Variants in KPNA1 observed in about 807,000 individuals in gnomAD.
The protein encoded by KPNA1 is karyopherin subunit alpha 1.
In KPNA1, 10 loss-of-function variants were observed where a neutral mutation model predicts 70.5. The observed-to-expected ratio is 0.14, with a 90% CI of 0.09 to 0.24. KPNA1 has a LOEUF of 0.24. KPNA1 is among the 10% of genes least tolerant of loss of function. The probability of loss-of-function intolerance (pLI) is 1.00; values close to 1 mark genes in which losing one functional copy is unlikely to be tolerated. For missense variants in KPNA1, 397 were observed against 637.9 expected (o/e 0.62, Z 4.07); for synonymous variants, 192 against 221.9 (o/e 0.87, Z 1.20).
At position 122,424,102 on chromosome 3, in the gene KPNA1, CTTT is replaced by C. The variant is rs2075790622; in HGVS notation, c.*2880_*2882del. 1 of 152,070 alleles carries C rather than the reference CTTT, an allele frequency of 6.6e-6. No individual in the cohort carries two copies. The highest frequency in any genetic ancestry group is 2.4e-5 in the African/African-American group (1 of 41,396). The allele number at this position is 152,070 out of a possible 1,614,324, so 9.4% of individuals were successfully genotyped here. ...CTTTACATCCAAAATTCTCTTAATG[CTTT>C]TTTTCCCCCACCAAAGTTCTCATTA... On this transcript the variant is annotated 3_prime_UTR_variant, in exon 14 of 14. Transcript: ENST00000344337.
At chr3:122,465,607 A>G (rs572735699) in intron 3 of KPNA1, among the ~76,000 whole-genome samples, 12 of 152,370 alleles carry the variant, frequency 7.9e-5, no homozygotes, top group African/African-American at 1.9e-4. Context: ...TGCACAAAGG[A>G]AAGTTGTAAT....
intron 5 of KPNA1, among the ~76,000 whole-genome samples, chr3:122,458,414 T>C (rs2076287551): frequency 6.6e-6 from 1 of 152,172 alleles, no homozygotes; most frequent in Non-Finnish European, 1.5e-5. Context: ...GTAGCAATGC[T>C]CAAAGCAGGC....
chr3:122,482,442 T>C (rs1285211086), intron 2 of KPNA1, among the ~76,000 whole-genome samples: 1 of 152,176 alleles, frequency 6.6e-6, no homozygotes, highest in African/African-American at 2.4e-5. Flanking sequence ...AGGTCAGAAA[T>C]AAAACAGATA....
At chr3:122,479,790 A>G (rs2076549873) in intron 2 of KPNA1, among the ~76,000 whole-genome samples, 1 of 152,106 alleles carries the variant, frequency 6.6e-6, no homozygotes, top group Non-Finnish European at 1.5e-5. Context: ...ACTCTTCCAT[A>G]GGATCAGCAA....
chr3:122,470,705 C>T (rs1326966189), intron 2 of KPNA1, among the ~76,000 whole-genome samples: 1 of 151,750 alleles, frequency 6.6e-6, no homozygotes, highest in Non-Finnish European at 1.5e-5. Context: ...CATTTACAAT[C>T]TAGGACATTC....
intron 2 of KPNA1, among the ~76,000 whole-genome samples, chr3:122,490,146 A>ATTTCCTC (rs2076681370): frequency 1.3e-5 from 2 of 152,240 alleles, no homozygotes; most frequent in Non-Finnish European, 2.9e-5. Flanking sequence ...TATCTGAGGA[A>ATTTCCTC]AGCCTTTGAA....
At chr3:122,471,098 T>C (rs889111076) in intron 2 of KPNA1, among the ~76,000 whole-genome samples, 4 of 152,134 alleles carry the variant, frequency 2.6e-5, no homozygotes, top group Non-Finnish European at 5.9e-5. Flanking sequence ...AGATGCAAAA[T>C]TGGAATTCAG....
At chr3:122,455,601 G>C (rs943496938) in intron 5 of KPNA1, among the ~76,000 whole-genome samples, 1 of 151,908 alleles carries the variant, frequency 6.6e-6, no homozygotes, top group African/African-American at 2.4e-5. Flanking sequence ...TGTTGCCCAG[G>C]CTGGAGTGCA....
intron 2 of KPNA1, among the ~76,000 whole-genome samples, chr3:122,472,216 G>A (rs764209258): frequency 3.3e-5 from 5 of 151,910 alleles, no homozygotes; most frequent in East Asian, 1.9e-4. Context: ...ACATTCAAAA[G>A]AACAAGTTAT....
intron 12 of KPNA1, among the ~76,000 whole-genome samples, chr3:122,430,309 A>G (rs532021323): frequency 1.3e-5 from 2 of 152,212 alleles, no homozygotes; most frequent in African/African-American, 2.4e-5. Context: ...ATCTGTTTCA[A>G]TGTTTAATAT....
chr3:122,510,299 G>C (rs149310686), intron 1 of KPNA1, among the ~76,000 whole-genome samples: 10 of 152,276 alleles, frequency 6.6e-5, no homozygotes, highest in African/African-American at 2.2e-4. Flanking sequence ...CAGTACAAAA[G>C]AGGGCAAAGA....
At chr3:122,438,185 T>C (rs770827327) in intron 10 of KPNA1, among the ~76,000 whole-genome samples, 64 of 152,126 alleles carry the variant, frequency 4.2e-4, no homozygotes, top group Non-Finnish European at 1.0e-4. Context: ...TGTTCTAGTA[T>C]GTAGCACCTT....
In KPNA1 at chr3:122,423,298, T is replaced by C. The variant is rs1001074769; in HGVS notation, c.*3687A>G. 3.3e-5 allele frequency: 5 copies of C among 152,212 alleles called. No homozygotes were observed. The highest frequency in any genetic ancestry group is 9.6e-5 in the African/African-American group (4 of 41,452). 9.4% of individuals were successfully genotyped at this position (152,212 alleles called of 1,614,324 possible). On this transcript the variant is annotated 3_prime_UTR_variant, in exon 14 of 14. Transcript: ENST00000344337. ...TCACAACAGAGAGAAATGGTCATAT[T>C]GAGATGGATAAAAATTCAGATTTGA...
At chr3:122,456,000 T>C (rs370026032) in intron 5 of KPNA1, among the ~76,000 whole-genome samples, 8 of 152,302 alleles carry the variant, frequency 5.3e-5, no homozygotes, top group East Asian at 3.9e-4. Flanking sequence ...ACTCGAGTAA[T>C]GTTACACAGT....
chr3:122,437,334 T>C (rs1423341549), intron 10 of KPNA1, 39 bp from the exon 11 acceptor site: 1 of 1,461,412 alleles, frequency 6.8e-7, no homozygotes, highest in Non-Finnish European at 9.3e-7. Flanking sequence ...TATTGTATTG[T>C]TCTAAATATC....
At chr3:122,497,235 T>C (rs997282108) in intron 1 of KPNA1, among the ~76,000 whole-genome samples, 1 of 152,226 alleles carries the variant, frequency 6.6e-6, no homozygotes, top group African/African-American at 2.4e-5. Context: ...TTTTCAAGGT[T>C]CATCCATGTT....
intron 2 of KPNA1, 84 bp downstream of exon 2, chr3:122,496,353 A>AC: frequency 1.6e-4 from 117 of 745,412 alleles, no homozygotes; most frequent in Non-Finnish European, 2.1e-4. Context: ...CACACACCCC[A>AC]ACTTTGCTAA....
At chr3:122,511,309 G>A (rs2076952570) in intron 1 of KPNA1, among the ~76,000 whole-genome samples, 1 of 151,934 alleles carries the variant, frequency 6.6e-6, no homozygotes, top group South Asian at 2.1e-4. Flanking sequence ...TCCTCACGCT[G>A]GAAAAACAAT....
chr3:122,463,792 C>T (rs908177213), intron 4 of KPNA1, 150 bp downstream of exon 4: 16 of 436,770 alleles, frequency 3.7e-5, no homozygotes, highest in South Asian at 6.7e-5. Context: ...AAAATTTAGG[C>T]ATGGTTCACA....
Sources: allele counts gnomAD v4.1 joint callset (sites outside exome capture counted in the v4.1 genomes callset), GRCh38; gene constraint gnomAD v4.1.1; transcripts MANE v1.5; gene names NCBI Gene and HGNC (gene_info 2026-07-23, HGNC 2026-07-21).